KIAA1217: variants seen among roughly 807,000 people sequenced by gnomAD.
The protein encoded by KIAA1217 is sickle tail protein homolog.
Under a neutral mutation model 163.9 loss-of-function variants are expected in KIAA1217, and 88 were observed. The observed-to-expected ratio is 0.54, with a 90% confidence interval of 0.45 to 0.64. The LOEUF (loss-of-function observed/expected upper bound fraction) is 0.64. Among genes scored for constraint, KIAA1217 ranks in the 30% least tolerant of loss-of-function variants. The pLI is 0.00. For missense variants in KIAA1217, 2,372 were observed against 2,475.0 expected (o/e 0.96, Z 0.88); for synonymous variants, 903 against 923.1 (o/e 0.98, Z 0.39).
At chr10:24,396,692 G>A (rs932601951) in intron 3 of KIAA1217, among the ~76,000 whole-genome samples, 2 of 152,170 alleles carry the variant, frequency 1.3e-5, no homozygotes, top group Non-Finnish European at 2.9e-5. Context: ...CAATGCAAAA[G>A]CCCGAGAAAG....
chr10:23,936,521 C>A (rs1589110478), intron 1 of KIAA1217, among the ~76,000 whole-genome samples: 1 of 152,010 alleles, frequency 6.6e-6, no homozygotes, highest in Non-Finnish European at 1.5e-5. Flanking sequence ...TAAAAGGAAG[C>A]AAAGGGAGAT....
chr10:23,918,386 A>G (rs1459961713), intron 1 of KIAA1217, among the ~76,000 whole-genome samples: 3 of 152,086 alleles, frequency 2.0e-5, no homozygotes, highest in Non-Finnish European at 2.9e-5. Flanking sequence ...AAACTTTGAA[A>G]CCACTAGTCA....
chr10:23,764,464 T>G (rs1259999634), intron 1 of KIAA1217, among the ~76,000 whole-genome samples: 1 of 152,202 alleles, frequency 6.6e-6, no homozygotes, highest in Admixed American at 6.5e-5. Context: ...CAAAGGACTA[T>G]AAATCATTCT....
intron 4 of KIAA1217, among the ~76,000 whole-genome samples, chr10:24,434,299 A>G (rs2059850733): frequency 6.6e-6 from 1 of 151,996 alleles, no homozygotes; most frequent in Admixed American, 6.6e-5. Flanking sequence ...TCGGCCTCCC[A>G]AAGTGCTAGG....
intron 1 of KIAA1217, among the ~76,000 whole-genome samples, chr10:23,696,388 G>A (rs1836045874): frequency 6.6e-6 from 1 of 152,196 alleles, no homozygotes; most frequent in Non-Finnish European, 1.5e-5. Context: ...AGGAGTTTCT[G>A]TGCTTCGGGA....
At chr10:24,071,880 A>G (rs1253876951) in intron 2 of KIAA1217, among the ~76,000 whole-genome samples, 3 of 152,224 alleles carry the variant, frequency 2.0e-5, no homozygotes, top group Non-Finnish European at 4.4e-5. Context: ...ATATTTATTT[A>G]GAAAATAACA....
chr10:24,336,010 G>A (rs1387114002), intron 2 of KIAA1217, among the ~76,000 whole-genome samples: 3 of 152,230 alleles, frequency 2.0e-5, no homozygotes, highest in East Asian at 3.9e-4. Context: ...GGAGGCCAAG[G>A]CAGGCAAATC....
In KIAA1217 at chr10:24,545,835, A is replaced by C. The variant is rs749034551; in HGVS notation, c.5343A>C (p.Gly1781=). ...GCCATCTTTATTTGCAGGCTAATGG[A>C]AGTGCTAAGAAATCTGGTGGGGACT... ...QDPRQYRQAN[G]SAKKSGGDFK... The change falls in exon 21 of 21, where the codon GGA becomes GGC. Residue 1781 remains glycine, a synonymous_variant. Coordinates refer to ENST00000376454, the MANE Select transcript of KIAA1217 (RefSeq NM_019590.5). 6 of 1,588,650 alleles carry C rather than the reference A, an allele frequency of 3.8e-6. No individual in the cohort carries two copies. Among genetic ancestry groups the C allele is most frequent in the Non-Finnish European group, 4.3e-6 (5 of 1,169,004 alleles).
chr10:24,089,288 T>G lies in KIAA1217; in HGVS notation c.-171+81914T>G, dbSNP rs1209914120. On this transcript the variant is annotated intron_variant, in intron 2 of 18. Transcript: ENST00000376462. ...GTAGTTTCTTTTGCTGTGCAGAAGCTCTTTAGTTTAATTAGATCCCATTTG... is the reference window on the plus strand; with the variant it reads ...GTAGTTTCTTTTGCTGTGCAGAAGCGCTTTAGTTTAATTAGATCCCATTTG... Among the ~76,000 whole-genome samples the G allele has an allele frequency of 8.8e-5, 11 of 125,382 alleles. 3 individuals carry two copies. The highest frequency in any genetic ancestry group is 2.0e-4 in the Non-Finnish European group (10 of 50,682). 82.3% of individuals were successfully genotyped at this position (125,382 alleles called of 152,430 possible).
At chr10:24,388,301 G>T (rs2054310273) in intron 3 of KIAA1217, among the ~76,000 whole-genome samples, 1 of 152,178 alleles carries the variant, frequency 6.6e-6, no homozygotes, top group Admixed American at 6.5e-5. Context: ...ACAAGCAATG[G>T]GGAAAGGATT....
intron 1 of KIAA1217, among the ~76,000 whole-genome samples, chr10:23,933,600 C>G (rs111733966): frequency 1.6e-3 from 246 of 152,176 alleles, no homozygotes; most frequent in African/African-American, 5.5e-3. Context: ...TCCAAGTGAG[C>G]AGGCACCCTA....
intron 2 of KIAA1217, among the ~76,000 whole-genome samples, chr10:24,287,935 C>A (rs191393246): frequency 7.2e-5 from 11 of 152,240 alleles, no homozygotes; most frequent in African/African-American, 2.4e-4. Context: ...TTCACTCTGG[C>A]CTTTAGTAGC....
At chr10:23,851,714 G>A (rs938832243) in intron 1 of KIAA1217, among the ~76,000 whole-genome samples, 10 of 152,262 alleles carry the variant, frequency 6.6e-5, no homozygotes, top group East Asian at 1.9e-4. Flanking sequence ...TCTAACTGGC[G>A]TGAGATGGTA....
intron 2 of KIAA1217, among the ~76,000 whole-genome samples, chr10:24,177,201 C>T (rs141167248): frequency 0.023 from 3,288 of 143,850 alleles, 49 homozygotes; most frequent in Non-Finnish European, 0.035. Flanking sequence ...GGACGCCAAG[C>T]CTGAGGAGGC....
intron 3 of KIAA1217, among the ~76,000 whole-genome samples, chr10:24,390,253 A>C (rs970199703): frequency 2.6e-5 from 4 of 152,118 alleles, no homozygotes; most frequent in Non-Finnish European, 5.9e-5. Context: ...GTATAGGTTG[A>C]TGACTTCTGG....
intron 2 of KIAA1217, among the ~76,000 whole-genome samples, chr10:24,244,137 A>C (rs935981205): frequency 1.3e-5 from 2 of 152,230 alleles, no homozygotes; most frequent in African/African-American, 4.8e-5. Flanking sequence ...CTCTTGATAA[A>C]GGAATTAGTG....
At chr10:24,107,408 G>T (rs1405129850) in intron 2 of KIAA1217, among the ~76,000 whole-genome samples, 3 of 152,194 alleles carry the variant, frequency 2.0e-5, no homozygotes, top group Non-Finnish European at 4.4e-5. Context: ...CCAGTAATGG[G>T]GTTGCTGGGA....
intron 3 of KIAA1217, among the ~76,000 whole-genome samples, chr10:24,430,724 G>A (rs759073007): frequency 6.6e-6 from 1 of 152,134 alleles, no homozygotes; most frequent in Non-Finnish European, 1.5e-5. Flanking sequence ...TTCACAGTAG[G>A]GTTCACGCTC....
intron 2 of KIAA1217, among the ~76,000 whole-genome samples, chr10:24,112,417 A>T (rs1023538180): frequency 6.6e-6 from 1 of 152,156 alleles, no homozygotes; most frequent in Non-Finnish European, 1.5e-5. Context: ...TCAAGTATAT[A>T]GCCTGGTGTC....
Sources: gnomAD v4.1 joint callset for allele counts (sites outside exome capture counted in the v4.1 genomes callset) on GRCh38, gnomAD v4.1.1 for gene constraint, MANE v1.5 for transcripts, NCBI Gene and HGNC (gene_info 2026-07-23, HGNC 2026-07-21) for gene names.